ACBD6: variants seen among roughly 807,000 people sequenced by gnomAD.
ACBD6 encodes acyl-CoA binding domain containing 6.
ACBD6 carries 28 observed loss-of-function variants against 37.2 expected under a neutral mutation model. That is an observed-to-expected ratio of 0.75 (90% confidence interval 0.56 to 1.03). The LOEUF (loss-of-function observed/expected upper bound fraction) is 1.03. Ranked by LOEUF, ACBD6 falls within the 50% of genes least tolerant of loss-of-function variation. The pLI is 0.00. For missense variants in ACBD6, 340 were observed against 337.4 expected (o/e 1.01, Z -0.06); for synonymous variants, 113 against 126.8 (o/e 0.89, Z 0.73).
chr1:180,428,973 A>G (rs555019780), intron 4 of ACBD6, among the ~76,000 whole-genome samples: 2 of 152,294 alleles, frequency 1.3e-5, no homozygotes, highest in African/African-American at 4.8e-5. Flanking sequence ...AATAGTCACT[A>G]AACTATCAGC....
At chr1:180,448,321 TCAA>T (rs1649555061) in intron 3 of ACBD6, among the ~76,000 whole-genome samples, 1 of 152,206 alleles carries the variant, frequency 6.6e-6, no homozygotes, top group Admixed American at 6.5e-5. Context: ...GGTATGAGAT[TCAA>T]CAACAATCTT....
chr1:180,488,707 TGA>T (rs1249924957), intron 3 of ACBD6, among the ~76,000 whole-genome samples: 1 of 152,140 alleles, frequency 6.6e-6, no homozygotes, highest in Non-Finnish European at 1.5e-5. Flanking sequence ...CCCAGGTAGC[TGA>T]GACTACAGGG....
chr1:180,413,295 C>T lies in ACBD6; in HGVS notation c.573+71G>A, dbSNP rs1190293584. 3 of 1,152,962 alleles carry T rather than the reference C, an allele frequency of 2.6e-6. No homozygotes were observed. The Admixed American group carries it at 5.1e-5, about 20-fold the overall frequency. The allele number at this position is 1,152,962 out of a possible 1,614,324, so 71.4% of individuals were successfully genotyped here. On this transcript the variant is annotated intron_variant, in intron 5 of 7. Transcript: ENST00000367595. ...TTTGAGTTGTAGTTCATTGGCCTAC[C>T]ATTTAGGAAAAGGCACTGGGGCAGA...
chr1:180,443,986 C>T (rs769138121), intron 3 of ACBD6, among the ~76,000 whole-genome samples: 2 of 151,782 alleles, frequency 1.3e-5, no homozygotes, highest in Non-Finnish European at 2.9e-5. Flanking sequence ...CTGTTTCATC[C>T]AGAAATTTTA....
chr1:180,413,757 C>T (rs1204051911), intron 4 of ACBD6, among the ~76,000 whole-genome samples: 1 of 151,792 alleles, frequency 6.6e-6, no homozygotes, highest in African/African-American at 2.4e-5. Context: ...ATCAATTAGA[C>T]AAAAAGAGGG....
At chr1:180,356,502 A>G (rs1652634650) in intron 6 of ACBD6, among the ~76,000 whole-genome samples, 1 of 151,994 alleles carries the variant, frequency 6.6e-6, no homozygotes, top group South Asian at 2.1e-4. Context: ...TTAACATCGT[A>G]TATACAGGAA....
At chr1:180,300,371 T>C (rs1239297008) in intron 7 of ACBD6, among the ~76,000 whole-genome samples, 3 of 152,174 alleles carry the variant, frequency 2.0e-5, no homozygotes, top group Non-Finnish European at 2.9e-5. Context: ...CTCTGGCATA[T>C]AATAGGTGCT....
chr1:180,351,580 ACGT>A (rs1249639938), intron 6 of ACBD6, among the ~76,000 whole-genome samples: 1,357 of 107,720 alleles, frequency 0.013, 27 homozygotes, highest in African/African-American at 0.043. Flanking sequence ...GCCCGATATT[ACGT>A]TTTTTTTTTT....
chr1:180,459,219 T>A (rs561272108), intron 3 of ACBD6, among the ~76,000 whole-genome samples: 15 of 152,336 alleles, frequency 9.8e-5, no homozygotes, highest in African/African-American at 3.6e-4. Context: ...TTGGCTCCAG[T>A]TCAACTTAAT....
intron 7 of ACBD6, among the ~76,000 whole-genome samples, chr1:180,301,827 C>T (rs544550947): frequency 1.4e-4 from 22 of 152,138 alleles, no homozygotes; most frequent in Non-Finnish European, 2.5e-4. Flanking sequence ...ACTTTAAGCA[C>T]AGACTGGCAA....
chr1:180,392,487 C>T (rs1654114042), intron 6 of ACBD6, among the ~76,000 whole-genome samples: 1 of 151,948 alleles, frequency 6.6e-6, no homozygotes. Flanking sequence ...AGGTTAAGAG[C>T]TTGGGCTTTG....
At chr1:180,353,591 T>C (rs918439804) in intron 6 of ACBD6, among the ~76,000 whole-genome samples, 1 of 151,910 alleles carries the variant, frequency 6.6e-6, no homozygotes, top group Non-Finnish European at 1.5e-5. Context: ...AAAATTAAAA[T>C]TGTATTTAAT....
At chr1:180,421,405 G>A (rs1159314464) in intron 4 of ACBD6, among the ~76,000 whole-genome samples, 1 of 152,166 alleles carries the variant, frequency 6.6e-6, no homozygotes, top group East Asian at 1.9e-4. Context: ...TATCATTGAT[G>A]GGTGTTTAGG....
intron 4 of ACBD6, among the ~76,000 whole-genome samples, chr1:180,415,642 G>A (rs1648059676): frequency 6.6e-6 from 1 of 152,176 alleles, no homozygotes. Flanking sequence ...TGGTGGTAGG[G>A]CACAGAAAGG....
At chr1:180,374,377 T>C (rs79630833) in intron 6 of ACBD6, among the ~76,000 whole-genome samples, 3,001 of 152,246 alleles carry the variant, frequency 0.02, 102 homozygotes, top group African/African-American at 0.067. Context: ...TAGTAAACAT[T>C]TCTTCCTCAG....
chr1:180,281,330 C>T (rs1649301909), exon 9 of ACBD6: 2 of 152,214 alleles, frequency 1.3e-5, no homozygotes, highest in Admixed American at 1.3e-4. Flanking sequence ...GGAAGCTCCG[C>T]AGTCGGTGTT....
chr1:180,478,095 G>T (rs1002167130), intron 3 of ACBD6, among the ~76,000 whole-genome samples: 2 of 151,906 alleles, frequency 1.3e-5, no homozygotes, highest in Non-Finnish European at 2.9e-5. Flanking sequence ...AACTTACATG[G>T]ATTGAATAAG....
intron 6 of ACBD6, among the ~76,000 whole-genome samples, chr1:180,360,107 C>T (rs1652792172): frequency 1.3e-5 from 2 of 152,116 alleles, no homozygotes; most frequent in Non-Finnish European, 2.9e-5. Flanking sequence ...CTTTATTATG[C>T]AATTGGTTAT....
chr1:180,448,072 T>A (rs1452894250), intron 3 of ACBD6, among the ~76,000 whole-genome samples: 1 of 152,064 alleles, frequency 6.6e-6, no homozygotes, highest in Admixed American at 6.6e-5. Flanking sequence ...AAAGCAACAA[T>A]GAACAATGAA....
Sources: gnomAD v4.1 joint callset for allele counts (sites outside exome capture counted in the v4.1 genomes callset) on GRCh38, gnomAD v4.1.1 for gene constraint, MANE v1.5 for transcripts, NCBI Gene and HGNC (gene_info 2026-07-23, HGNC 2026-07-21) for gene names.